Variants in TMEM35B observed in about 807,000 individuals in gnomAD.
TMEM35B encodes ZMYM6 neighbor protein.
TMEM35B carries 6 observed loss-of-function variants against 8.7 expected under a neutral mutation model. That is an observed-to-expected ratio of 0.69 (90% confidence interval 0.38 to 1.36). The LOEUF (loss-of-function observed/expected upper bound fraction) is 1.36. TMEM35B is among the 40% of genes most tolerant of loss of function. TMEM35B has a pLI of 0.02. For synonymous variants in TMEM35B, 89 were observed against 87.0 expected (o/e 1.02, Z -0.13); for missense variants, 176 against 181.6 (o/e 0.97, Z 0.18).
chr1:34,984,909 A>G (rs1332729129), intron 1 of TMEM35B, among the ~76,000 whole-genome samples: 1 of 142,234 alleles, frequency 7.0e-6, no homozygotes, highest in African/African-American at 2.5e-5. Flanking sequence ...ATCCTCCCCC[A>G]GGGTCCGGGG....
intron 1 of TMEM35B, 105 bp downstream of exon 1, chr1:34,985,093 C>A (rs918607648): frequency 2.4e-6 from 2 of 850,028 alleles, no homozygotes; most frequent in Non-Finnish European, 3.3e-6. Context: ...TCCAGCTGAG[C>A]CTCGGAAGCC....
At chr1:34,981,969 C>CTTAGTT in exon 3 of TMEM35B, 1 of 1,546,964 alleles carries the variant, frequency 6.5e-7, no homozygotes, top group Non-Finnish European at 8.7e-7. Context: ...CTTGAATGTA[C>CTTAGTT]TTAGAGTCTT....
chr1:34,982,636 C>CCTGTTTGTATTTTTAGTAGAGA (rs1640519811), intron 2 of TMEM35B, among the ~76,000 whole-genome samples: 1 of 151,954 alleles, frequency 6.6e-6, no homozygotes, highest in Non-Finnish European at 1.5e-5. Flanking sequence ...ACCACCACGC[C>CCTGTTTGTATTTTTAGTAGAGA]CGGCTAATGT....
At chr1:34,982,760 C>A (rs1229827420) in intron 2 of TMEM35B, among the ~76,000 whole-genome samples, 1 of 152,144 alleles carries the variant, frequency 6.6e-6, no homozygotes, top group Non-Finnish European at 1.5e-5. Context: ...CAGGCATGAG[C>A]CACCGTGTCT....
exon 1 of TMEM35B, chr1:34,985,239 T>C: frequency 1.3e-6 from 2 of 1,543,226 alleles, no homozygotes; most frequent in South Asian, 1.2e-5. Context: ...TCCGAGAGCT[T>C]GGCCAACCCC....
chr1:34,983,185 C>T (rs1640524941), intron 2 of TMEM35B, among the ~76,000 whole-genome samples: 1 of 152,100 alleles, frequency 6.6e-6, no homozygotes, highest in Non-Finnish European at 1.5e-5. Flanking sequence ...GCTGAGCTTG[C>T]AATATATCTT....
exon 3 of TMEM35B, chr1:34,981,935 A>T (rs545465159): frequency 6.6e-7 from 1 of 1,524,946 alleles, no homozygotes; most frequent in African/African-American, 1.4e-5. Context: ...ATAAAGAGAC[A>T]GAGATGCTCT....
intron 1 of TMEM35B, among the ~76,000 whole-genome samples, chr1:34,984,872 G>C (rs1640548487): frequency 6.8e-6 from 1 of 147,358 alleles, no homozygotes; most frequent in Non-Finnish European, 1.5e-5. Flanking sequence ...AAGAGAGCGG[G>C]AAGTGAGCTC....
At chr1:34,981,787 G>A (rs1036456647) in exon 3 of TMEM35B, 31 of 570,266 alleles carry the variant, frequency 5.4e-5, no homozygotes, top group Non-Finnish European at 8.4e-5. Flanking sequence ...TCACAAAAGA[G>A]TAGTAAAGCT....
At chr1:34,983,995 G>A (rs1356940557) in intron 1 of TMEM35B, 48 bp from the exon 2 acceptor site, 6 of 1,407,228 alleles carry the variant, frequency 4.3e-6, no homozygotes, top group Non-Finnish European at 5.6e-6. Context: ...CAACAAGGAT[G>A]AGCTCCCCAG....
intron 2 of TMEM35B, 132 bp downstream of exon 2, chr1:34,983,635 C>A: frequency 2.2e-5 from 9 of 405,468 alleles, no homozygotes; most frequent in Middle Eastern, 7.5e-4. Context: ...ACCATGGAAA[C>A]TGTGGTAGAG....
rs893977397 is a variant in TMEM35B at position 34,982,004 on chromosome 1, C to G, written c.405G>C (p.Lys135Asn). Residue 135 changes from lysine to asparagine, a missense_variant, in exon 3 of 3, where the codon AAG becomes AAC. Physicochemically the swap from Lys to Asn is moderately conservative, Grantham distance 94. Coordinates refer to ENST00000373337, the Ensembl canonical transcript of TMEM35B. Reference sequence around the variant, plus strand: ...TCTTCCTAGTGGGTCTGACCACCTTCTTAGTCTGGGCTAAGAGCTGGCCGA... The same window carrying G: ...TCTTCCTAGTGGGTCTGACCACCTTGTTAGTCTGGGCTAAGAGCTGGCCGA... 6.4e-6 allele frequency: 10 copies of G among 1,550,584 alleles called. No homozygotes were observed. The African/African-American group carries it at 1.4e-4, about 21-fold the overall frequency.
Position 34,983,747 on chromosome 1 carries a change from A to G in TMEM35B, c.289+20T>C, listed in dbSNP as rs1315135273. 5.4e-6 allele frequency: 8 copies of G among 1,467,980 alleles called. No individual in the cohort carries two copies. The South Asian group carries it at 7.1e-5, about 13-fold the overall frequency. 90.9% of individuals were successfully genotyped at this position (1,467,980 alleles called of 1,614,324 possible). ...CTCCCCCAGAAGACCCCATTTTCTC[A>G]GGCCAGTTGGCCCCCTTACCCATCA... On this transcript the variant is annotated intron_variant, in intron 2 of 2. Transcript: ENST00000373337.
intron 1 of TMEM35B, among the ~76,000 whole-genome samples, chr1:34,984,717 C>T (rs932870025): frequency 2.0e-5 from 3 of 152,182 alleles, no homozygotes; most frequent in Non-Finnish European, 2.9e-5. Context: ...GAGTGTCTAG[C>T]TTGTGTCCTG....
chr1:34,984,632 G>A (rs571898351), intron 1 of TMEM35B, among the ~76,000 whole-genome samples: 1 of 152,320 alleles, frequency 6.6e-6, no homozygotes, highest in South Asian at 2.1e-4. Context: ...GAACTAGACA[G>A]AAGGCTGAAA....
At chr1:34,983,777 C>T in exon 2 of TMEM35B, 1 of 1,526,704 alleles carries the variant, frequency 6.6e-7, no homozygotes, top group Non-Finnish European at 8.8e-7. Flanking sequence ...CCATCATGAG[C>T]AGAATCAAGA....
chr1:34,985,071 C>G, intron 1 of TMEM35B, 127 bp downstream of exon 1: 1 of 678,664 alleles, frequency 1.5e-6, no homozygotes, highest in South Asian at 2.5e-5. Flanking sequence ...AAGCCAGGCG[C>G]TTTCCCCCAG....
intron 2 of TMEM35B, among the ~76,000 whole-genome samples, chr1:34,983,234 T>C (rs778787670): frequency 6.6e-6 from 1 of 152,146 alleles, no homozygotes; most frequent in Non-Finnish European, 1.5e-5. Context: ...ATTGAGGAGG[T>C]AGAAGGTACA....
chr1:34,985,245 A>G lies in TMEM35B; in HGVS notation c.61T>C (p.Leu21=), dbSNP rs1449195136. The change falls in exon 1 of 3, where the codon TTG becomes CTG. Residue 21 remains leucine, a synonymous_variant. Coordinates refer to ENST00000373337, the Ensembl canonical transcript of TMEM35B. ...GAGATCTCCTCCGAGAGCTTGGCCA[A>G]CCCCACGAGCGCGAAGAAGCCGCCC... 1.9e-6 allele frequency: 3 copies of G among 1,545,792 alleles called. No individual in the cohort carries two copies. The East Asian group carries it at 7.4e-5, about 38-fold the overall frequency.
Sources: gnomAD v4.1 joint callset for allele counts (sites outside exome capture counted in the v4.1 genomes callset) on GRCh38, gnomAD v4.1.1 for gene constraint, MANE v1.5 for transcripts, NCBI Gene and HGNC (gene_info 2026-07-23, HGNC 2026-07-21) for gene names.